The following ANGEL1 variants were observed in gnomAD, a reference collection of about 807,000 sequenced individuals.
ANGEL1 encodes RNA 2',3'-cyclic phosphatase ANGEL1.
ANGEL1 carries 62 observed loss-of-function variants against 76.4 expected under a neutral mutation model. The ratio of observed to expected loss-of-function variants is 0.81; its 90% CI spans 0.66 to 1.00. The LOEUF (loss-of-function observed/expected upper bound fraction) is 1.00, where lower values mean the gene tolerates loss of function less well. ANGEL1 is among the 50% of genes least tolerant of loss of function. The probability of loss-of-function intolerance (pLI) is 0.00; values close to 1 mark genes in which losing one functional copy is unlikely to be tolerated. For missense variants in ANGEL1, 737 were observed against 836.7 expected (o/e 0.88, Z 1.47); for synonymous variants, 340 against 331.7 (o/e 1.03, Z -0.27).
intron 7 of ANGEL1, among the ~76,000 whole-genome samples, chr14:76,799,389 G>T (rs1053348153): frequency 2.2e-5 from 3 of 134,210 alleles, no homozygotes; most frequent in Admixed American, 8.7e-5. Context: ...TGCCTCCCGC[G>T]TTCACACCAT....
At position 76,807,480 on chromosome 14, in the gene ANGEL1, T is replaced by C. The variant is rs746910841; in HGVS notation, c.899A>G (p.Gln300Arg). 4 of 1,613,632 alleles carry C rather than the reference T, an allele frequency of 2.5e-6. No individual in the cohort carries two copies. In the Admixed American group the frequency reaches 6.7e-5, roughly 27 times the overall value. The change falls in exon 4 of 10, where the codon CAG becomes CGG. Residue 300 changes from glutamine (Q) to arginine (R), a missense_variant. Around this residue, in one of 2 missense-constraint regions of ANGEL1, gnomAD observed 441 missense variants for 449.5 expected, o/e 0.98. Coordinates refer to ENST00000251089, the MANE Select transcript of ANGEL1 (RefSeq NM_015305.4). ...DPDILCLQEV[Q>R]EDHYWEQLEP... ...CAGCTGCTCCCAGTAATGATCTTCC[T>C]GGACTTCCTGGAGACACAGGATCTG...
Position 76,790,664 on chromosome 14 carries a change from G to A in ANGEL1, c.1799C>T (p.Thr600Ile). The A allele has an allele frequency of 6.2e-7, 1 of 1,614,122 alleles. No homozygotes were observed. The highest frequency in any genetic ancestry group is 8.5e-7 in the Non-Finnish European group (1 of 1,180,014). The change falls in exon 9 of 10, where the codon ACA becomes ATA. Residue 600 changes from threonine to isoleucine, a missense_variant. By Grantham distance (89) the Thr-to-Ile change is moderately conservative. Around this residue, in one of 2 missense-constraint regions of ANGEL1, gnomAD observed 296 missense variants for 387.2 expected, o/e 0.76. Coordinates refer to ENST00000251089, the MANE Select transcript of ANGEL1 (RefSeq NM_015305.4). Reference protein sequence around the residue: ...VTTMPLGLGMTVDYIFFSAES... With the variant: ...VTTMPLGLGMIVDYIFFSAES... ...AGCTGAGAAGAAGATGTAATCTACT[G>A]TCATTCCAAGACCCAATGGCATTGT...
At chr14:76,804,890 A>C (rs566946958) in intron 5 of ANGEL1, among the ~76,000 whole-genome samples, 1 of 152,222 alleles carries the variant, frequency 6.6e-6, no homozygotes, top group East Asian at 1.9e-4. Flanking sequence ...CACACCTGTA[A>C]TCCCAGCTAC....
chr14:76,802,687 A>C (rs1894801825), intron 7 of ANGEL1, among the ~76,000 whole-genome samples: 1 of 152,056 alleles, frequency 6.6e-6, no homozygotes, highest in Admixed American at 6.5e-5. Context: ...GTTGAAAAAA[A>C]AAAAAGGGAT....
At chr14:76,808,759 C>G (rs1385593574) in intron 2 of ANGEL1, among the ~76,000 whole-genome samples, 1 of 152,190 alleles carries the variant, frequency 6.6e-6, no homozygotes, top group Non-Finnish European at 1.5e-5. Flanking sequence ...GGGTTACCAC[C>G]AGAGAAATGA....
rs1290836650 is a variant in ANGEL1, at chr14:76,812,782, G to C, written c.46C>G (p.Leu16Val). 6.6e-7 allele frequency: 1 copy of C among 1,522,632 alleles called. No homozygotes were observed. Among genetic ancestry groups the C allele is most frequent in the Admixed American group, 2.0e-5 (1 of 49,706 alleles). The allele number at this position is 1,522,632 out of a possible 1,614,324, so 94.3% of individuals were successfully genotyped here. A position where few individuals can be genotyped will look rare whatever the true frequency, so the allele number is the denominator to read the frequency against. ...LCYLLLPATR[L>V]FRALSDAFFT... ...CCGGTACCTGAGAGGGCGCGGAAGAGGCGCGTGGCCGGCAGCAGCAGGTAA... is the reference window on the plus strand; with the variant it reads ...CCGGTACCTGAGAGGGCGCGGAAGACGCGCGTGGCCGGCAGCAGCAGGTAA... Residue 16 changes from leucine to valine, a missense_variant, in exon 1 of 10, where the codon CTC (leucine) becomes GTC (valine). Leu to Val is a conservative substitution (Grantham distance 32). Transcript: ENST00000251089.
intron 3 of ANGEL1, 143 bp downstream of exon 3, chr14:76,807,779 C>T (rs1894963731): frequency 1.1e-6 from 1 of 902,552 alleles, no homozygotes. Context: ...CAACAACTCA[C>T]TGACACCAGG....
In ANGEL1 at chr14:76,786,025, CTT is replaced by C. The variant is rs1473130684; in HGVS notation, c.*3201_*3202del. The C allele has an allele frequency of 6.6e-6, 1 of 152,202 alleles. No homozygotes were observed. Among genetic ancestry groups the C allele is most frequent in the Non-Finnish European group, 1.5e-5 (1 of 68,042 alleles). 9.4% of individuals were successfully genotyped at this position (152,202 alleles called of 1,614,324 possible). On this transcript the variant is annotated 3_prime_UTR_variant, in exon 10 of 10. Transcript: ENST00000251089. ...CTTCACAAGTAGAAGTGATTATTAACTTTAATTTCTATTTCACCAAGGAATGT... is the reference window on the plus strand; with the variant it reads ...CTTCACAAGTAGAAGTGATTATTAACTAATTTCTATTTCACCAAGGAATGT...
At chr14:76,807,621 TCACCAACAG>T (rs1894958402) in intron 3 of ANGEL1, 119 bp from the exon 4 acceptor site, 6 of 940,378 alleles carry the variant, frequency 6.4e-6, no homozygotes, top group African/African-American at 1.6e-5. Flanking sequence ...CTTCCCAGAG[TCACCAACAG>T]CAAGAACAGG....
intron 5 of ANGEL1, among the ~76,000 whole-genome samples, chr14:76,805,922 T>C (rs1290657846): frequency 1.3e-5 from 2 of 152,204 alleles, no homozygotes; most frequent in East Asian, 3.8e-4. Flanking sequence ...CTGTGAAAAC[T>C]AATTAGTTAA....
At position 76,809,559 on chromosome 14, in the gene ANGEL1, C is replaced by T. The variant is rs370006700; in HGVS notation, c.149G>A (p.Arg50Gln). 27 of 1,614,076 alleles carry T rather than the reference C, an allele frequency of 1.7e-5. No homozygotes were observed. The highest frequency in any genetic ancestry group is 2.7e-5 in the African/African-American group (2 of 74,942). ...CTCACATTCCTCCTGCTCAGGGCCCCGAGGGGCCATGGCAAAGTCGCCCTC... is the reference window on the plus strand; with the variant it reads ...CTCACATTCCTCCTGCTCAGGGCCCTGAGGGGCCATGGCAAAGTCGCCCTC... ...QVEGDFAMAP[R>Q]GPEQEECEGL... The change falls in exon 2 of 10, where the codon CGG (arginine) becomes CAG (glutamine). Residue 50 changes from arginine (R) to glutamine (Q), a missense_variant. Transcript: ENST00000251089.
At chr14:76,797,547 C>T (rs1213629755) in intron 7 of ANGEL1, among the ~76,000 whole-genome samples, 2 of 152,142 alleles carry the variant, frequency 1.3e-5, no homozygotes, top group Non-Finnish European at 2.9e-5. Flanking sequence ...TTGCAGTGAG[C>T]TGAGATCGCG....
In ANGEL1 at chr14:76,807,496, A is replaced by T; in HGVS notation, c.883T>A (p.Cys295Ser). The change falls in exon 4 of 10, where the codon TGT becomes AGT. Residue 295 changes from cysteine (C) to serine (S), a missense_variant. By Grantham distance (112) the Cys-to-Ser change is moderately radical. Transcript: ENST00000251089. ...EFQHWDPDIL[C>S]LQEVQEDHYW... ...TGATCTTCCTGGACTTCCTGGAGACACAGGATCTGGGAAATTGACAAGAAA... is the reference window on the plus strand; with the variant it reads ...TGATCTTCCTGGACTTCCTGGAGACTCAGGATCTGGGAAATTGACAAGAAA... 1 of 1,613,468 alleles carries T rather than the reference A, an allele frequency of 6.2e-7. No individual in the cohort carries two copies. Among genetic ancestry groups the T allele is most frequent in the Non-Finnish European group, 8.5e-7 (1 of 1,179,776 alleles).
At position 76,812,833 on chromosome 14, in the gene ANGEL1, G is replaced by A. The variant is rs762542358; in HGVS notation, c.-6C>T. ...CACAAGCACGACGCGATCATGGCCG[G>A]CCGCCCGCGCCCGCCTCCGCTCCTC... On this transcript the variant is annotated 5_prime_UTR_variant, in exon 1 of 10. Transcript: ENST00000251089. 28 of 1,507,848 alleles carry A rather than the reference G, an allele frequency of 1.9e-5. No homozygotes were observed. The highest frequency in any genetic ancestry group is 1.4e-4 in the African/African-American group (10 of 69,644). The allele number at this position is 1,507,848 out of a possible 1,614,324, so 93.4% of individuals were successfully genotyped here. A position where few individuals can be genotyped will look rare whatever the true frequency, so the allele number is the denominator to read the frequency against.
intron 7 of ANGEL1, among the ~76,000 whole-genome samples, chr14:76,800,086 T>C (rs1460780753): frequency 6.6e-6 from 1 of 152,216 alleles, no homozygotes; most frequent in Non-Finnish European, 1.5e-5. Context: ...CTGGCTACTT[T>C]GCCCCTATAG....
chr14:76,811,803 G>A (rs868784800), intron 1 of ANGEL1, among the ~76,000 whole-genome samples: 1 of 152,292 alleles, frequency 6.6e-6, no homozygotes. Flanking sequence ...ACGTGGCCCT[G>A]CGCTCCTGAA....
At chr14:76,802,037 C>T (rs1894781227) in intron 7 of ANGEL1, among the ~76,000 whole-genome samples, 1 of 151,828 alleles carries the variant, frequency 6.6e-6, no homozygotes. Context: ...CCAGGCGTGG[C>T]AGCATGTGCC....
chr14:76,799,907 A>G (rs915464863), intron 7 of ANGEL1, among the ~76,000 whole-genome samples: 4 of 49,022 alleles, frequency 8.2e-5, no homozygotes, highest in African/African-American at 2.0e-4. Context: ...CTCTGTCATG[A>G]AAAAAAAAAA....
intron 7 of ANGEL1, among the ~76,000 whole-genome samples, chr14:76,800,816 C>CA (rs941186027): frequency 2.0e-5 from 3 of 151,920 alleles, no homozygotes; most frequent in Admixed American, 6.6e-5. Flanking sequence ...ACTAAAAATA[C>CA]AAAAAAATTA....
Sources: gnomAD v4.1 joint callset for allele counts (sites outside exome capture counted in the v4.1 genomes callset) on GRCh38, gnomAD v4.1.1 for gene constraint, gnomAD v4.1.1 regional missense constraint, MANE v1.5 for transcripts, NCBI Gene and HGNC (gene_info 2026-07-23, HGNC 2026-07-21) for gene names.